RNF11: variants seen among roughly 807,000 people sequenced by gnomAD.
RNF11 encodes ring finger protein 11.
In RNF11, 4 loss-of-function variants were observed where a neutral mutation model predicts 15.8. That is an observed-to-expected ratio of 0.25 (90% CI 0.12 to 0.58). The LOEUF (loss-of-function observed/expected upper bound fraction) is 0.58, where lower values mean the gene tolerates loss of function less well. RNF11 is among the 20% of genes least tolerant of loss of function. RNF11 has a pLI of 0.91. For missense variants in RNF11, 139 were observed against 194.4 expected (o/e 0.71, Z 1.70); for synonymous variants, 68 against 72.3 (o/e 0.94, Z 0.30).
intron 1 of RNF11, among the ~76,000 whole-genome samples, chr1:51,256,820 C>T (rs1646906104): frequency 6.6e-6 from 1 of 152,126 alleles, no homozygotes; most frequent in Non-Finnish European, 1.5e-5. Flanking sequence ...ATTACAGGCA[C>T]GTGCCACCAT....
chr1:51,249,250 G>A (rs1646866449), intron 1 of RNF11, among the ~76,000 whole-genome samples: 1 of 152,144 alleles, frequency 6.6e-6, no homozygotes, highest in South Asian at 2.1e-4. Flanking sequence ...AATATCTTGA[G>A]TTTCTTTTGA....
At chr1:51,248,449 G>A (rs575548188) in intron 1 of RNF11, among the ~76,000 whole-genome samples, 2 of 152,014 alleles carry the variant, frequency 1.3e-5, no homozygotes, top group African/African-American at 2.4e-5. Context: ...TGATCCGCTC[G>A]CCTCGGCCTC....
chr1:51,264,287 A>AATATATATATATATATAT (rs1162466435), intron 1 of RNF11, among the ~76,000 whole-genome samples: 2 of 32,524 alleles, frequency 6.1e-5, no homozygotes, highest in Non-Finnish European at 1.1e-4. Context: ...AAAAAAAAAA[A>AATATATATATATATATAT]ATATATATAT....
intron 1 of RNF11, among the ~76,000 whole-genome samples, chr1:51,257,848 C>CTTTTTTTTTTTTT (rs201557519): frequency 4.7e-5 from 4 of 84,930 alleles, no homozygotes; most frequent in African/African-American, 1.8e-4. Context: ...CTTTTCTTTT[C>CTTTTTTTTTTTTT]TTTTCTTTTT....
At chr1:51,267,535 A>G (rs1417138167) in intron 1 of RNF11, among the ~76,000 whole-genome samples, 1 of 152,256 alleles carries the variant, frequency 6.6e-6, no homozygotes, top group Non-Finnish European at 1.5e-5. Context: ...CACACAGGAC[A>G]TGCTTAATTC....
At chr1:51,269,239 C>A (rs1018987473) in intron 1 of RNF11, among the ~76,000 whole-genome samples, 3 of 152,182 alleles carry the variant, frequency 2.0e-5, no homozygotes, top group Non-Finnish European at 4.4e-5. Flanking sequence ...CACACTCCAT[C>A]CCAGCTTCAT....
intron 1 of RNF11, among the ~76,000 whole-genome samples, chr1:51,247,361 T>C (rs1646857077): frequency 6.6e-6 from 1 of 152,088 alleles, no homozygotes; most frequent in African/African-American, 2.4e-5. Flanking sequence ...GACCACAGGC[T>C]CATGCCACCA....
rs572912935 is a variant in RNF11 at position 51,270,218 on chromosome 1, A to C, written c.293+93A>C. On this transcript the variant is annotated intron_variant, in intron 2 of 2. Transcript: ENST00000242719. ...TCTCCTGCACTTTAGAAAGTCAGAC[A>C]TTTAATATATTGAAACACTTCGCTT... is the stretch of plus-strand genomic sequence containing the variant. 4.1e-5 allele frequency: 36 copies of C among 868,850 alleles called. No individual in the cohort carries two copies. The African/African-American group carries it at 6.0e-4, about 14-fold the overall frequency. The allele number at this position is 868,850 out of a possible 1,614,324, so 53.8% of individuals were successfully genotyped here.
intron 1 of RNF11, among the ~76,000 whole-genome samples, chr1:51,266,531 T>C (rs529297484): frequency 6.6e-6 from 1 of 152,214 alleles, no homozygotes; most frequent in East Asian, 1.9e-4. Flanking sequence ...TGGTGTGATC[T>C]CGTCTCACTG....
chr1:51,270,036 T>C lies in RNF11; in HGVS notation c.204T>C (p.Ile68=), dbSNP rs142295415. ...LATQLTEEEQ[I]RIAQRIGLIQ... ...CTCAGCTGACTGAAGAGGAACAAAT[T>C]AGGATAGCTCAAAGAATAGGTCTTA... The change falls in exon 2 of 3, where the codon ATT becomes ATC. Residue 68 remains isoleucine (I), a synonymous_variant. Transcript: ENST00000242719. 145 of 1,613,712 alleles carry C rather than the reference T, an allele frequency of 9.0e-5. No individual in the cohort carries two copies. In the African/African-American group the frequency reaches 1.8e-3, roughly 20 times the overall value.
intron 1 of RNF11, among the ~76,000 whole-genome samples, chr1:51,247,002 AAATAAT>A (rs1022104592): frequency 6.6e-6 from 1 of 151,904 alleles, no homozygotes; most frequent in Non-Finnish European, 1.5e-5. Context: ...AAAAAGGAAA[AAATAAT>A]AGGCTGTAAA....
At chr1:51,258,707 T>C (rs1434481760) in intron 1 of RNF11, among the ~76,000 whole-genome samples, 1 of 152,226 alleles carries the variant, frequency 6.6e-6, no homozygotes, top group Non-Finnish European at 1.5e-5. Context: ...ATAAAATGTT[T>C]TTAGTGTCCC....
intron 2 of RNF11, among the ~76,000 whole-genome samples, chr1:51,270,896 T>C (rs1426848836): frequency 6.6e-6 from 1 of 152,250 alleles, no homozygotes; most frequent in African/African-American, 2.4e-5. Context: ...GTAGATTTGA[T>C]GCATATGTAA....
chr1:51,252,986 G>T (rs1261595645), intron 1 of RNF11, among the ~76,000 whole-genome samples: 6 of 151,772 alleles, frequency 4.0e-5, no homozygotes, highest in African/African-American at 1.5e-4. Context: ...ACCACGCGCG[G>T]CTAATTTTTT....
At chr1:51,255,119 A>G (rs1365659296) in intron 1 of RNF11, among the ~76,000 whole-genome samples, 1 of 152,168 alleles carries the variant, frequency 6.6e-6, no homozygotes, top group Non-Finnish European at 1.5e-5. Flanking sequence ...GTAAAGAGGA[A>G]CTATATTATT....
chr1:51,245,298 G>A (rs982373910), intron 1 of RNF11, among the ~76,000 whole-genome samples: 4 of 152,088 alleles, frequency 2.6e-5, no homozygotes, highest in African/African-American at 9.7e-5. Flanking sequence ...GACCACAGGT[G>A]CATACCACCA....
chr1:51,240,169 C>T (rs770371676), intron 1 of RNF11, among the ~76,000 whole-genome samples: 11 of 152,176 alleles, frequency 7.2e-5, no homozygotes, highest in African/African-American at 2.2e-4. Context: ...CTTATAGTGT[C>T]GCATAAACCC....
In RNF11 at chr1:51,255,901, TTTG is replaced by T. The variant is rs1264461680; in HGVS notation, c.124-14043_124-14041del. 7.2e-5 allele frequency among the ~76,000 whole-genome samples: 11 copies of T among 152,318 alleles called. 1 individual carries two copies. The South Asian group carries it at 8.3e-4, about 11-fold the overall frequency. ...TTGAAATCAGAAAGTGTGAGTCTTT[TTTG>T]TTGTTGTTGTTCTCCCTTTTCAGGA... On this transcript the variant is annotated intron_variant, in intron 1 of 2. Transcript: ENST00000242719.
intron 1 of RNF11, among the ~76,000 whole-genome samples, chr1:51,238,817 C>T (rs1405043933): frequency 2.0e-5 from 3 of 152,118 alleles, no homozygotes; most frequent in South Asian, 4.1e-4. Flanking sequence ...GCAACCTCCA[C>T]CTCCCGGGTT....
Sources: allele counts gnomAD v4.1 joint callset (sites outside exome capture counted in the v4.1 genomes callset), GRCh38; gene constraint gnomAD v4.1.1; transcripts MANE v1.5; gene names NCBI Gene and HGNC (gene_info 2026-07-23, HGNC 2026-07-21).